FAM53B: variants seen among roughly 807,000 people sequenced by gnomAD.
FAM53B encodes family with sequence similarity 53 member B.
FAM53B carries 12 observed loss-of-function variants against 32.7 expected under a neutral mutation model. The ratio of observed to expected loss-of-function variants is 0.37; its 90% confidence interval spans 0.24 to 0.59. FAM53B has a LOEUF of 0.59. FAM53B is among the 20% of genes least tolerant of loss of function. The pLI is 0.72. For missense variants in FAM53B, 477 were observed against 577.7 expected (o/e 0.83, Z 1.79); for synonymous variants, 234 against 228.7 (o/e 1.02, Z -0.21).
At chr10:124,645,097 G>A (rs1949503384) in intron 4 of FAM53B, among the ~76,000 whole-genome samples, 1 of 152,218 alleles carries the variant, frequency 6.6e-6, no homozygotes, top group Non-Finnish European at 1.5e-5. Context: ...CTCAAGCAAG[G>A]GCCCAGGGTA....
rs1564890936 is a variant in FAM53B, at chr10:124,733,501, T to C, written c.-175+10512A>G. On this transcript the variant is annotated intron_variant, in intron 1 of 4. Transcript: ENST00000337318. This position sits in a 1 kb window ranked among gnomAD's most constrained non-coding sequence, Gnocchi z 4.3. ...CCCTCTTCCATCGCACCAACACGGT[T>C]AGGTGCCTGTTTTTCCCTTTAAAGA... Among the ~76,000 whole-genome samples the C allele has an allele frequency of 6.6e-6, 1 of 152,156 alleles. No homozygotes were observed. Among genetic ancestry groups the C allele is most frequent in the Non-Finnish European group, 1.5e-5 (1 of 68,034 alleles).
intron 4 of FAM53B, among the ~76,000 whole-genome samples, chr10:124,631,607 C>T (rs1437861006): frequency 1.3e-5 from 2 of 152,214 alleles, no homozygotes; most frequent in Non-Finnish European, 2.9e-5. Flanking sequence ...GCCACGCAGG[C>T]CAGAGCCCGG....
chr10:124,725,930 C>T (rs1950099892), intron 1 of FAM53B, among the ~76,000 whole-genome samples: 1 of 152,266 alleles, frequency 6.6e-6, no homozygotes, highest in Non-Finnish European at 1.5e-5. Flanking sequence ...CAACCCACAT[C>T]CTTGCTGGGG....
intron 1 of FAM53B, among the ~76,000 whole-genome samples, chr10:124,724,647 G>A (rs1029819331): frequency 6.6e-6 from 1 of 152,176 alleles, no homozygotes; most frequent in Non-Finnish European, 1.5e-5. Context: ...TCCCTCTTTT[G>A]TAAATGGCAG....
rs557878536 is a variant in FAM53B, at chr10:124,707,572, T to C, written c.-174-685A>G. Among the ~76,000 whole-genome samples, 15 of 152,304 alleles carry C rather than the reference T, an allele frequency of 9.8e-5. No homozygotes were observed. In the South Asian group the frequency reaches 3.1e-3, roughly 32 times the overall value. On this transcript the variant is annotated intron_variant, in intron 1 of 4. Coordinates refer to ENST00000337318, the MANE Select transcript of FAM53B (RefSeq NM_014661.4). Reference sequence around the variant, plus strand: ...GGTCAACATGGTGAAACCCCATCTCTACTAAAAATACAAAAAATTAGCTGG... The same window carrying C: ...GGTCAACATGGTGAAACCCCATCTCCACTAAAAATACAAAAAATTAGCTGG...
At chr10:124,626,355 G>A (rs1185511457) in intron 4 of FAM53B, among the ~76,000 whole-genome samples, 1 of 149,408 alleles carries the variant, frequency 6.7e-6, no homozygotes, top group Non-Finnish European at 1.5e-5. Flanking sequence ...TGTGGGTCTC[G>A]GCACTAACCG....
chr10:124,685,528 T>C (rs1303399327), intron 3 of FAM53B, among the ~76,000 whole-genome samples: 1 of 152,238 alleles, frequency 6.6e-6, no homozygotes. Flanking sequence ...AAGAAACCAA[T>C]GGGCTTGGCA....
At chr10:124,645,875 C>T (rs1284550383) in intron 4 of FAM53B, among the ~76,000 whole-genome samples, 1 of 152,168 alleles carries the variant, frequency 6.6e-6, no homozygotes, top group Non-Finnish European at 1.5e-5. Context: ...GCCTCTGTGT[C>T]TACAGGTAAC....
chr10:124,714,329 C>G (rs1261972868), intron 1 of FAM53B: 1 of 151,994 alleles, frequency 6.6e-6, no homozygotes, highest in Non-Finnish European at 1.5e-5. Flanking sequence ...AGTTCAGGAC[C>G]CACGAATGTG....
intron 1 of FAM53B, among the ~76,000 whole-genome samples, chr10:124,720,093 G>T (rs1183252560): frequency 6.6e-6 from 1 of 151,712 alleles, no homozygotes; most frequent in Non-Finnish European, 1.5e-5. Flanking sequence ...AACCTGGGAG[G>T]TGGAGGTTGC....
intron 1 of FAM53B, among the ~76,000 whole-genome samples, chr10:124,726,639 G>C (rs1002450785): frequency 6.6e-6 from 1 of 152,210 alleles, no homozygotes; most frequent in African/African-American, 2.4e-5. Flanking sequence ...GTGAGAATCA[G>C]AAGGAAACAA....
At chr10:124,735,265 C>T (rs578088490) in intron 1 of FAM53B, among the ~76,000 whole-genome samples, 70 of 152,338 alleles carry the variant, frequency 4.6e-4, no homozygotes, top group African/African-American at 1.4e-3. Context: ...AATTCATTCA[C>T]AGAAGTGTCG....
intron 4 of FAM53B, among the ~76,000 whole-genome samples, chr10:124,632,221 CAGA>C (rs1246351097): frequency 3.9e-5 from 6 of 152,280 alleles, no homozygotes; most frequent in East Asian, 3.8e-4. Flanking sequence ...TGCCCGAACA[CAGA>C]AGGTGTGGGA....
intron 1 of FAM53B, among the ~76,000 whole-genome samples, chr10:124,719,788 C>T (rs886607706): frequency 1.3e-5 from 2 of 152,204 alleles, no homozygotes; most frequent in East Asian, 3.8e-4. Flanking sequence ...TGGCCTTCAC[C>T]TCGCTGTGGA....
chr10:124,690,049 G>A (rs1949824133), intron 3 of FAM53B, among the ~76,000 whole-genome samples: 1 of 152,262 alleles, frequency 6.6e-6, no homozygotes, highest in Non-Finnish European at 1.5e-5. Context: ...GATTGTGGGT[G>A]TGCACAGAGC....
At chr10:124,670,052 C>A (rs983542212) in intron 4 of FAM53B, among the ~76,000 whole-genome samples, 3 of 152,124 alleles carry the variant, frequency 2.0e-5, no homozygotes, top group African/African-American at 7.2e-5. Context: ...CTTCCCAGAG[C>A]CAGGGTGAGG....
chr10:124,715,932 G>A (rs1054835107), intron 1 of FAM53B, among the ~76,000 whole-genome samples: 8 of 152,228 alleles, frequency 5.3e-5, no homozygotes, highest in African/African-American at 1.9e-4. Context: ...CTTATTAAAT[G>A]CTCATAAATT....
rs1366638397 is a variant in FAM53B, at chr10:124,681,640, C to T, written c.873G>A (p.Gln291=). 4 of 1,611,054 alleles carry T rather than the reference C, an allele frequency of 2.5e-6. No homozygotes were observed. The East Asian group carries it at 8.9e-5, about 36-fold the overall frequency. Residue 291 remains glutamine (Q), a synonymous_variant, in exon 4 of 5, where the codon CAG becomes CAA. Coordinates refer to ENST00000337318, the MANE Select transcript of FAM53B (RefSeq NM_014661.4). The stretch of plus-strand genomic sequence containing the variant: ...TCTTGGCAAGGTCTAGAGAAGGCCT[C>T]TGCTCTTGCACTTCTTCAGGGCGCC... ...KRRRPEEVQE[Q]RPSLDLAKMA...
chr10:124,689,491 T>C (rs1430209407), intron 3 of FAM53B, among the ~76,000 whole-genome samples: 2 of 152,146 alleles, frequency 1.3e-5, no homozygotes, highest in Non-Finnish European at 2.9e-5. Flanking sequence ...GACTGTAAAA[T>C]GGCAGCTGTG....
Sources: gnomAD v4.1 joint callset for allele counts (sites outside exome capture counted in the v4.1 genomes callset) on GRCh38, gnomAD v4.1.1 for gene constraint, Gnocchi (gnomAD v3.1) non-coding constraint, MANE v1.5 for transcripts, NCBI Gene and HGNC (gene_info 2026-07-23, HGNC 2026-07-21) for gene names.